Variants in DYTN observed in about 807,000 individuals in gnomAD.
DYTN encodes dystrotelin.
A neutral mutation model predicts 69.6 loss-of-function variants in DYTN; 75 were observed. The ratio of observed to expected loss-of-function variants is 1.08; its 90% CI spans 0.89 to 1.31. DYTN has a LOEUF of 1.31. DYTN is among the 50% of genes most tolerant of loss of function. DYTN has a pLI of 0.00. For synonymous variants in DYTN, 252 were observed against 249.1 expected (o/e 1.01, Z -0.11); for missense variants, 726 against 688.4 (o/e 1.05, Z -0.61).
intron 9 of DYTN, among the ~76,000 whole-genome samples, chr2:206,673,757 C>T (rs1699652366): frequency 1.3e-5 from 2 of 152,274 alleles, no homozygotes; most frequent in Admixed American, 1.3e-4. Context: ...CAAAGCTGAA[C>T]TTTGTCCGCT....
At chr2:206,698,008 A>G (rs1192849837) in intron 7 of DYTN, among the ~76,000 whole-genome samples, 1 of 152,222 alleles carries the variant, frequency 6.6e-6, no homozygotes, top group East Asian at 1.9e-4. Flanking sequence ...ATATAATTAC[A>G]AAGTTAATCC....
intron 4 of DYTN, 58 bp downstream of exon 4, chr2:206,705,730 A>G (rs1700018425): frequency 6.0e-6 from 9 of 1,508,498 alleles, no homozygotes; most frequent in Non-Finnish European, 7.3e-6. Context: ...ATAGGATAAC[A>G]GGTTGGGGAT....
intron 11 of DYTN, among the ~76,000 whole-genome samples, chr2:206,655,541 C>T (rs771621817): frequency 8.6e-5 from 13 of 151,814 alleles, no homozygotes; most frequent in Non-Finnish European, 5.9e-5. Flanking sequence ...TCTTGAGTAG[C>T]TGGGACTGCA....
chr2:206,709,818 G>T (rs541012552), intron 2 of DYTN, among the ~76,000 whole-genome samples: 29 of 152,276 alleles, frequency 1.9e-4, no homozygotes, highest in South Asian at 1.2e-3. Flanking sequence ...AATAACTTTA[G>T]ATATGCTGAA....
chr2:206,653,892 T>C (rs1699416545), intron 11 of DYTN, among the ~76,000 whole-genome samples: 1 of 152,192 alleles, frequency 6.6e-6, no homozygotes, highest in African/African-American at 2.4e-5. Context: ...CACCGTCATC[T>C]CTTGGCTAGA....
rs546174896 is a variant in DYTN at position 206,651,634 on chromosome 2, A to G, written c.*184T>C. 4.7e-5 allele frequency: 26 copies of G among 555,244 alleles called. No individual in the cohort carries two copies. The highest frequency in any genetic ancestry group is 6.3e-5 in the Admixed American group (2 of 31,984). The allele number at this position is 555,244 out of a possible 1,614,324, so 34.4% of individuals were successfully genotyped here. ...CCTCTACTCGCCCTGCTAACCCCCA[A>G]CCTTCACTCTGAACTGCAGAACTAA... On this transcript the variant is annotated 3_prime_UTR_variant, in exon 12 of 12. Transcript: ENST00000452335.
intron 9 of DYTN, among the ~76,000 whole-genome samples, chr2:206,684,130 T>C (rs939323857): frequency 5.3e-5 from 8 of 152,128 alleles, no homozygotes. Context: ...AATAAACTTA[T>C]TGAATAAATA....
intron 11 of DYTN, among the ~76,000 whole-genome samples, chr2:206,657,960 T>A (rs1041182841): frequency 2.6e-5 from 4 of 152,192 alleles, no homozygotes; most frequent in Admixed American, 1.3e-4. Context: ...TGACCCTTTC[T>A]TTCTCCTCTG....
intron 1 of DYTN, among the ~76,000 whole-genome samples, chr2:206,711,378 G>A (rs1035684571): frequency 1.3e-5 from 2 of 152,098 alleles, no homozygotes; most frequent in African/African-American, 4.8e-5. Context: ...AGAGAGCTCT[G>A]GAGCCAGCTA....
chr2:206,708,147 G>T (rs1700045591), intron 2 of DYTN, among the ~76,000 whole-genome samples: 1 of 152,152 alleles, frequency 6.6e-6, no homozygotes, highest in Admixed American at 6.5e-5. Context: ...AACTACAGCT[G>T]CTTACAAAAA....
At chr2:206,705,998 G>T in intron 3 of DYTN, 125 bp from the exon 4 acceptor site, 1 of 937,990 alleles carries the variant, frequency 1.1e-6, no homozygotes, top group Non-Finnish European at 1.6e-6. Context: ...CCAACTTTTT[G>T]TGGCCTCTTA....
At chr2:206,663,525 T>C (rs1166082843) in intron 10 of DYTN, 130 bp from the exon 11 acceptor site, 8 of 963,272 alleles carry the variant, frequency 8.3e-6, no homozygotes, top group Non-Finnish European at 1.2e-5. Flanking sequence ...AAATATATTA[T>C]CATTACTATT....
chr2:206,666,738 CGTGTGTGTGTGTGTGTGT>C (rs56345459), intron 9 of DYTN, among the ~76,000 whole-genome samples: 1 of 145,640 alleles, frequency 6.9e-6, no homozygotes, highest in Non-Finnish European at 1.5e-5. Context: ...CATGGGTGTG[CGTGTGTGTGTGTGTGTGT>C]GTGTGTGTGT....
At chr2:206,652,988 T>A (rs1474792306) in intron 11 of DYTN, among the ~76,000 whole-genome samples, 1 of 152,236 alleles carries the variant, frequency 6.6e-6, no homozygotes, top group Admixed American at 6.5e-5. Flanking sequence ...AGATTTATTA[T>A]GTTAGTTGTT....
intron 2 of DYTN, 144 bp downstream of exon 2, chr2:206,710,380 G>C (rs1700068839): frequency 4.3e-6 from 3 of 699,654 alleles, no homozygotes; most frequent in Non-Finnish European, 4.6e-6. Context: ...CATCTTCTCT[G>C]TCACGAATGG....
intron 7 of DYTN, among the ~76,000 whole-genome samples, chr2:206,695,302 T>G (rs181495151): frequency 1.2e-4 from 19 of 152,358 alleles, no homozygotes; most frequent in African/African-American, 4.3e-4. Context: ...AATCAAATTT[T>G]GGCTTGTCTT....
chr2:206,685,271 C>T lies in DYTN; in HGVS notation c.980+7904G>A, dbSNP rs191300774. On this transcript the variant is annotated intron_variant, in intron 9 of 11. Coordinates refer to ENST00000452335, the MANE Select transcript of DYTN (RefSeq NM_001093730.1). ...CGACCTACCAGGCTCAAGCGATCCT[C>T]CCATCTCAGCCACCTGAATAGCGGG... 2.6e-3 allele frequency among the ~76,000 whole-genome samples: 394 copies of T among 152,194 alleles called. 3 individuals carry two copies. The highest frequency in any genetic ancestry group is 8.9e-3 in the African/African-American group (370 of 41,526).
intron 9 of DYTN, among the ~76,000 whole-genome samples, chr2:206,690,187 G>A (rs35337224): frequency 0.059 from 8,986 of 152,198 alleles, 374 homozygotes; most frequent in Non-Finnish European, 0.079. Flanking sequence ...AAAGACCTCG[G>A]CAGGTCTTTG....
chr2:206,694,862 C>T lies in DYTN; in HGVS notation c.735G>A (p.Lys245=). The change falls in exon 8 of 12, where the codon AAG becomes AAA. Residue 245 remains lysine (K), a synonymous_variant. Coordinates refer to ENST00000452335, the MANE Select transcript of DYTN (RefSeq NM_001093730.1). The part of the protein sequence containing the change: ...PITGLRYRCL[K]CLNFDICQMC... ...TCTGGCAGATGTCAAAGTTGAGACA[C>T]TTCAGACAGCGGTATCTGCCAGTTA... The T allele has an allele frequency of 6.2e-6, 10 of 1,601,596 alleles. No individual in the cohort carries two copies. The highest frequency in any genetic ancestry group is 8.5e-6 in the Non-Finnish European group (10 of 1,175,354).
Sources: allele counts gnomAD v4.1 joint callset (sites outside exome capture counted in the v4.1 genomes callset), GRCh38; gene constraint gnomAD v4.1.1; transcripts MANE v1.5; gene names NCBI Gene and HGNC (gene_info 2026-07-23, HGNC 2026-07-21).